NCOA1: variants seen among roughly 807,000 people sequenced by gnomAD.
NCOA1 encodes the protein nuclear receptor coactivator 1.
In NCOA1, 35 loss-of-function variants were observed where a neutral mutation model predicts 150.9. That is an observed-to-expected ratio of 0.23 (90% confidence interval 0.18 to 0.31). The LOEUF (loss-of-function observed/expected upper bound fraction) is 0.31, where lower values mean the gene tolerates loss of function less well. Among genes scored for constraint, NCOA1 ranks in the 10% least tolerant of loss-of-function variants. The pLI, the probability that NCOA1 is intolerant of heterozygous loss-of-function variation, is 1.00. For synonymous variants in NCOA1, 590 were observed against 630.0 expected (o/e 0.94, Z 0.95); for missense variants, 1,491 against 1,749.3 (o/e 0.85, Z 2.63).
At chr2:24,737,352 A>G (rs892005370) in intron 17 of NCOA1, among the ~76,000 whole-genome samples, 2 of 152,250 alleles carry the variant, frequency 1.3e-5, no homozygotes, top group Non-Finnish European at 2.9e-5. Context: ...ATTCAAGGGC[A>G]GAAATAGACC....
intron 22 of NCOA1, among the ~76,000 whole-genome samples, chr2:24,766,005 A>G (rs1408427593): frequency 2.0e-5 from 3 of 149,310 alleles, no homozygotes; most frequent in Non-Finnish European, 4.4e-5. Flanking sequence ...GGTTCAAGTG[A>G]TTCTCCAGCC....
chr2:24,716,068 C>A (rs923762593), intron 14 of NCOA1, among the ~76,000 whole-genome samples: 2 of 149,604 alleles, frequency 1.3e-5, no homozygotes, highest in Non-Finnish European at 3.0e-5. Context: ...GGTGTGAACC[C>A]AGGAGGCGGA....
intron 1 of NCOA1, among the ~76,000 whole-genome samples, chr2:24,500,100 T>TTTC (rs1558744471): frequency 4.9e-4 from 75 of 151,814 alleles, no homozygotes; most frequent in East Asian, 3.5e-3. Flanking sequence ...TAGTTTCTTT[T>TTTC]TTTCTTTCTT....
At chr2:24,543,908 CAG>C (rs1665499407) in intron 1 of NCOA1, among the ~76,000 whole-genome samples, 2 of 152,088 alleles carry the variant, frequency 1.3e-5, no homozygotes, top group South Asian at 4.2e-4. Context: ...AAAAATTACT[CAG>C]ATTGTAGTGT....
chr2:24,529,595 T>G (rs1664795141), intron 1 of NCOA1, among the ~76,000 whole-genome samples: 1 of 152,216 alleles, frequency 6.6e-6, no homozygotes, highest in East Asian at 1.9e-4. Context: ...TCTTGGCCTC[T>G]TAAAGTGATG....
chr2:24,527,566 T>G lies in NCOA1; in HGVS notation c.-396+35964T>G, dbSNP rs550269650. On this transcript the variant is annotated intron_variant, in intron 1 of 22. Transcript: ENST00000348332. ...AGTTTTTTATTCATTTGTTCATGAT[T>G]AATGGACGACTAGTTTGTTTCTGTA... is the stretch of plus-strand genomic sequence containing the variant. Among the ~76,000 whole-genome samples, 43 of 152,346 alleles carry G rather than the reference T, an allele frequency of 2.8e-4. No individual in the cohort carries two copies. The South Asian group carries it at 8.5e-3, about 30-fold the overall frequency.
At chr2:24,699,835 A>G (rs982719756) in intron 11 of NCOA1, among the ~76,000 whole-genome samples, 3 of 152,216 alleles carry the variant, frequency 2.0e-5, no homozygotes, top group Admixed American at 1.3e-4. Flanking sequence ...CAGATATCTT[A>G]ACAAACCTTA....
Position 24,742,088 on chromosome 2 carries a change from G to A in NCOA1, c.3608G>A (p.Ser1203Asn). 1 of 1,614,184 alleles carries A rather than the reference G, an allele frequency of 6.2e-7. No homozygotes were observed. The highest frequency in any genetic ancestry group is 8.5e-7 in the Non-Finnish European group (1 of 1,180,020). Residue 1203 changes from serine (S) to asparagine (N), a missense_variant, in exon 19 of 23, where the codon AGC becomes AAC. Physicochemically the swap from Ser to Asn is conservative, Grantham distance 46 (BLOSUM62 1). Around this residue, in one of 8 missense-constraint regions of NCOA1, gnomAD observed 485 missense variants for 522.8 expected, o/e 0.93. Transcript: ENST00000348332. ...NPEASLANRN[S>N]MVSRGMTGNI... ...GAAGCATCCTTGGCCAACCGCAACA[G>A]CATGGTGAGCAGAGGCATGACAGGA...
At chr2:24,506,879 TG>T (rs1000482959) in intron 1 of NCOA1, among the ~76,000 whole-genome samples, 4 of 152,234 alleles carry the variant, frequency 2.6e-5, no homozygotes, top group Non-Finnish European at 5.9e-5. Context: ...TTGATTGCAT[TG>T]TTTTAGACTG....
intron 20 of NCOA1, among the ~76,000 whole-genome samples, chr2:24,753,441 T>TA (rs1664345964): frequency 6.6e-6 from 1 of 152,130 alleles, no homozygotes; most frequent in Non-Finnish European, 1.5e-5. Context: ...TTAAATTCCT[T>TA]AAAAGATTAT....
intron 14 of NCOA1, among the ~76,000 whole-genome samples, chr2:24,718,174 A>G (rs956465955): frequency 2.6e-5 from 4 of 152,176 alleles, no homozygotes; most frequent in Non-Finnish European, 5.9e-5. Flanking sequence ...TGCCAGGATT[A>G]CAGGTGTGAC....
chr2:24,509,334 A>G (rs1003939117), intron 1 of NCOA1, among the ~76,000 whole-genome samples: 4 of 152,348 alleles, frequency 2.6e-5, no homozygotes, highest in African/African-American at 9.6e-5. Flanking sequence ...TTGTGCTCAT[A>G]ATCACTTTGT....
chr2:24,715,267 T>C, intron 14 of NCOA1, among the ~76,000 whole-genome samples: 1 of 152,162 alleles, frequency 6.6e-6, no homozygotes, highest in East Asian at 1.9e-4. Flanking sequence ...TTCTCATTTG[T>C]TAGTTTCTTT....
At position 24,742,123 on chromosome 2, in the gene NCOA1, G is replaced by C; in HGVS notation, c.3643G>C (p.Gly1215Arg). 6.2e-7 allele frequency: 1 copy of C among 1,614,112 alleles called. No homozygotes were observed. Among genetic ancestry groups the C allele is most frequent in the Non-Finnish European group, 8.5e-7 (1 of 1,179,988 alleles). Residue 1215 changes from glycine (G) to arginine (R), a missense_variant, in exon 19 of 23, where the codon GGA (glycine) becomes CGA (arginine). Coordinates refer to ENST00000348332, the MANE Select transcript of NCOA1 (RefSeq NM_003743.5). ...CAGAGGCATGACAGGAAACATAGGA[G>C]GACAGTTTGGCACTGGAATCAATCC... ...VSRGMTGNIG[G>R]QFGTGINPQM...
chr2:24,679,513 A>G (rs893601518), intron 7 of NCOA1, among the ~76,000 whole-genome samples: 7 of 152,214 alleles, frequency 4.6e-5, no homozygotes, highest in African/African-American at 1.7e-4. Context: ...CTTTATAAGT[A>G]TATATTTATA....
chr2:24,711,218 C>CT (rs1027600629), intron 14 of NCOA1, 107 bp downstream of exon 14: 48 of 1,079,404 alleles, frequency 4.4e-5, no homozygotes, highest in Non-Finnish European at 5.7e-5. Context: ...AGTGAAATAT[C>CT]TTTTTATTAA....
intron 3 of NCOA1, among the ~76,000 whole-genome samples, chr2:24,588,047 C>G (rs1393079740): frequency 1.3e-5 from 2 of 152,158 alleles, no homozygotes; most frequent in African/African-American, 4.8e-5. Context: ...AGTTGGCTTC[C>G]CGCTTGCTGT....
intron 3 of NCOA1, among the ~76,000 whole-genome samples, chr2:24,634,428 C>G (rs1397549994): frequency 6.6e-6 from 1 of 152,176 alleles, no homozygotes; most frequent in Non-Finnish European, 1.5e-5. Context: ...TTCTAGATTT[C>G]CTTTTTACTC....
intron 2 of NCOA1, among the ~76,000 whole-genome samples, chr2:24,565,831 C>T (rs935025983): frequency 6.6e-5 from 10 of 152,182 alleles, no homozygotes; most frequent in African/African-American, 1.7e-4. Flanking sequence ...CGGGCGCTCA[C>T]TCCCTGCAAG....
Sources: gnomAD v4.1 joint callset for allele counts (sites outside exome capture counted in the v4.1 genomes callset) on GRCh38, gnomAD v4.1.1 for gene constraint, gnomAD v4.1.1 regional missense constraint, MANE v1.5 for transcripts, NCBI Gene and HGNC (gene_info 2026-07-23, HGNC 2026-07-21) for gene names.